Variants in AUTS2 observed in about 807,000 individuals in gnomAD.
AUTS2 encodes autism susceptibility gene 2 protein.
Under a neutral mutation model 112.4 loss-of-function variants are expected in AUTS2, and 17 were observed. The ratio of observed to expected loss-of-function variants is 0.15; its 90% CI spans 0.10 to 0.23. The LOEUF is 0.23. AUTS2 is among the 10% of genes least tolerant of loss of function. AUTS2 has a pLI of 1.00. For synonymous variants in AUTS2, 751 were observed against 702.7 expected (o/e 1.07, Z -1.09); for missense variants, 1,510 against 1,701.6 (o/e 0.89, Z 1.98).
intron 4 of AUTS2, among the ~76,000 whole-genome samples, chr7:70,154,061 C>T (rs963390421): frequency 1.1e-4 from 17 of 152,212 alleles, no homozygotes; most frequent in Admixed American, 6.5e-5. Flanking sequence ...TTACCTCCCA[C>T]TGTTTTTCAA....
At chr7:69,818,894 GT>G (rs977746937) in intron 1 of AUTS2, among the ~76,000 whole-genome samples, 113 of 152,304 alleles carry the variant, frequency 7.4e-4, no homozygotes, top group African/African-American at 2.7e-3. Flanking sequence ...TGGGCTCTCT[GT>G]TTGGGGGTTA....
intron 2 of AUTS2, among the ~76,000 whole-genome samples, chr7:69,974,871 AAG>A (rs1156998929): frequency 6.6e-6 from 1 of 152,132 alleles, no homozygotes; most frequent in Non-Finnish European, 1.5e-5. Flanking sequence ...GTTTTATTTA[AAG>A]AGAGTTTCTT....
At chr7:69,846,300 C>T (rs1473206025) in intron 1 of AUTS2, among the ~76,000 whole-genome samples, 1 of 152,120 alleles carries the variant, frequency 6.6e-6, no homozygotes, top group Non-Finnish European at 1.5e-5. Flanking sequence ...TTTTGGCAGT[C>T]TTATTACTTT....
At chr7:70,516,069 CT>C (rs1346799267) in intron 5 of AUTS2, among the ~76,000 whole-genome samples, 1 of 152,148 alleles carries the variant, frequency 6.6e-6, no homozygotes, top group Non-Finnish European at 1.5e-5. Context: ...CTGTGTGTTA[CT>C]TTATGAATTT....
intron 6 of AUTS2, among the ~76,000 whole-genome samples, chr7:70,702,557 G>T (rs971415352): frequency 6.6e-6 from 1 of 152,204 alleles, no homozygotes; most frequent in Admixed American, 6.5e-5. Flanking sequence ...GAGCCATCGG[G>T]GAGCTGTGCC....
rs111768439 is a variant in AUTS2, at chr7:70,607,331, A to G, written c.691-91238A>G. Among the ~76,000 whole-genome samples the G allele has an allele frequency of 5.2e-3, 790 of 152,246 alleles. 8 individuals carry two copies. Among genetic ancestry groups the G allele is most frequent in the African/African-American group, 0.018 (748 of 41,530 alleles). The stretch of plus-strand genomic sequence containing the variant: ...TGTGTTGGGATATATGATCAATTGA[A>G]GCCTCTGGGCAGAATCCATTGATGG... On this transcript the variant is annotated intron_variant, in intron 5 of 18. Transcript: ENST00000342771.
chr7:69,601,967 C>G (rs1228987953), intron 1 of AUTS2, among the ~76,000 whole-genome samples: 1 of 151,084 alleles, frequency 6.6e-6, no homozygotes, highest in Non-Finnish European at 1.5e-5. Flanking sequence ...CAAGAGGGGC[C>G]ACTGGATTCC....
intron 2 of AUTS2, among the ~76,000 whole-genome samples, chr7:69,988,223 C>T (rs1798593003): frequency 6.6e-6 from 1 of 152,120 alleles, no homozygotes; most frequent in South Asian, 2.1e-4. Context: ...TGCCCATGTT[C>T]TTCCATGAGA....
chr7:70,688,884 G>A (rs1469723809), intron 5 of AUTS2, among the ~76,000 whole-genome samples: 2 of 152,324 alleles, frequency 1.3e-5, no homozygotes, highest in South Asian at 2.1e-4. Context: ...TAGGCAAAAC[G>A]GTAGTCCTCT....
chr7:70,429,880 T>C (rs988187616), intron 4 of AUTS2, among the ~76,000 whole-genome samples: 1 of 152,110 alleles, frequency 6.6e-6, no homozygotes, highest in African/African-American at 2.4e-5. Context: ...TAAGAAGCAT[T>C]GTGTTGAGAG....
chr7:70,225,286 T>C (rs1811703900), intron 4 of AUTS2, among the ~76,000 whole-genome samples: 1 of 152,238 alleles, frequency 6.6e-6, no homozygotes, highest in Admixed American at 6.5e-5. Context: ...CCTCATTTTC[T>C]GCAGAACAGT....
intron 5 of AUTS2, among the ~76,000 whole-genome samples, chr7:70,697,827 C>T (rs942066158): frequency 6.6e-6 from 1 of 152,156 alleles, no homozygotes; most frequent in African/African-American, 2.4e-5. Flanking sequence ...CATTTTCCTT[C>T]AAACCGACTT....
intron 4 of AUTS2, among the ~76,000 whole-genome samples, chr7:70,278,580 AACATACATACATACATACATACAT>A (rs59363161): frequency 1.3e-5 from 2 of 149,646 alleles, no homozygotes; most frequent in African/African-American, 2.5e-5. Flanking sequence ...GTCTCTCAAA[AACATACATACATACATACATACAT>A]ACATACATAC....
intron 5 of AUTS2, among the ~76,000 whole-genome samples, chr7:70,530,226 T>C (rs1800023971): frequency 6.6e-6 from 1 of 151,442 alleles, no homozygotes; most frequent in South Asian, 2.1e-4. Context: ...TGCTGGGGAG[T>C]GTTATGGGTT....
At chr7:70,148,561 C>CA (rs1807257433) in intron 4 of AUTS2, among the ~76,000 whole-genome samples, 1 of 151,850 alleles carries the variant, frequency 6.6e-6, no homozygotes, top group Admixed American at 6.6e-5. Flanking sequence ...TAAGCAATGA[C>CA]ATCAGAAACC....
At chr7:69,735,364 A>T (rs920265499) in intron 1 of AUTS2, among the ~76,000 whole-genome samples, 7 of 152,202 alleles carry the variant, frequency 4.6e-5, no homozygotes, top group African/African-American at 1.7e-4. Context: ...AGGAGGAACC[A>T]TAATTCTGGT....
At chr7:69,889,734 A>G (rs1181983884) in intron 1 of AUTS2, among the ~76,000 whole-genome samples, 20 of 152,180 alleles carry the variant, frequency 1.3e-4, no homozygotes, top group Admixed American at 2.6e-4. Context: ...TGCGTGTGTT[A>G]CTTTAGTGGA....
chr7:70,293,954 C>G (rs1352111050), intron 4 of AUTS2: 1 of 152,128 alleles, frequency 6.6e-6, no homozygotes, highest in Non-Finnish European at 1.5e-5. Context: ...CCTGGCACCC[C>G]TAAAACTACC....
chr7:70,516,732 T>C (rs562783274), intron 5 of AUTS2, among the ~76,000 whole-genome samples: 1 of 152,348 alleles, frequency 6.6e-6, no homozygotes, highest in South Asian at 2.1e-4. Flanking sequence ...AAAGCACTTG[T>C]GTGGCACTGT....
Sources: allele counts gnomAD v4.1 joint callset (sites outside exome capture counted in the v4.1 genomes callset), GRCh38; gene constraint gnomAD v4.1.1; transcripts MANE v1.5; gene names NCBI Gene and HGNC (gene_info 2026-07-23, HGNC 2026-07-21).